The following ITGB6 variants were observed in gnomAD, a reference collection of about 807,000 sequenced individuals.
ITGB6 encodes the protein integrin beta-6.
In ITGB6, 80 loss-of-function variants were observed where a neutral mutation model predicts 84.5. That is an observed-to-expected ratio of 0.95 (90% CI 0.79 to 1.14). The LOEUF (loss-of-function observed/expected upper bound fraction) is 1.14. Ranked by LOEUF, ITGB6 falls within the 50% of genes most tolerant of loss-of-function variation. The pLI is 0.00. For missense variants in ITGB6, 1,006 were observed against 968.0 expected, an observed-to-expected ratio of 1.04 and a Z score of -0.52; for synonymous variants, 383 against 354.9, an observed-to-expected ratio of 1.08 and a Z score of -0.89.
At chr2:160,132,112 A>C (rs73012625) in intron 10 of ITGB6, among the ~76,000 whole-genome samples, 11,262 of 152,182 alleles carry the variant, frequency 0.074, 1,304 homozygotes, top group African/African-American at 0.25. Context: ...TTAGACATGC[A>C]ATATGGGATT....
At chr2:160,127,763 T>A (rs1683295408) in intron 10 of ITGB6, among the ~76,000 whole-genome samples, 1 of 152,248 alleles carries the variant, frequency 6.6e-6, no homozygotes, top group Non-Finnish European at 1.5e-5. Context: ...ATATTTGATG[T>A]GAATGTGTGT....
chr2:160,178,690 T>C (rs199845417), intron 4 of ITGB6, among the ~76,000 whole-genome samples: 98 of 25,926 alleles, frequency 3.8e-3, no homozygotes, highest in Middle Eastern at 0.033. Flanking sequence ...CTCTCTCTCT[T>C]TTTTTTTTTT....
At chr2:160,111,163 CA>C (rs900791565) in intron 13 of ITGB6, among the ~76,000 whole-genome samples, 9 of 151,438 alleles carry the variant, frequency 5.9e-5, no homozygotes, top group African/African-American at 2.2e-4. Flanking sequence ...CAACTAGATA[CA>C]AAAGTCTCTG....
At chr2:160,191,924 A>G (rs370345653) in intron 4 of ITGB6, among the ~76,000 whole-genome samples, 82 of 152,284 alleles carry the variant, frequency 5.4e-4, no homozygotes, top group African/African-American at 1.8e-3. Flanking sequence ...AAAACAAAAC[A>G]TGTGCAAGAT....
At chr2:160,172,413 G>A (rs1452192274) in intron 6 of ITGB6, among the ~76,000 whole-genome samples, 156 bp downstream of exon 6, 2 of 152,204 alleles carry the variant, frequency 1.3e-5, no homozygotes, top group Non-Finnish European at 2.9e-5. Context: ...AACCTCTGAG[G>A]ATGGTGAGAA....
In ITGB6 at chr2:160,199,204, G is replaced by A. The variant is rs755954161; in HGVS notation, c.116C>T (p.Pro39Leu). The change falls in exon 2 of 15, where the codon CCT (proline) becomes CTT (leucine). Residue 39 changes from proline (P) to leucine (L), a missense_variant. Coordinates refer to ENST00000283249, the MANE Select transcript of ITGB6 (RefSeq NM_000888.5). ...CTCCTGAGCACACCAGGCACACTGA[G>A]GTCCAATAAGCAGGCAGTCTTCACA... ...ETCEDCLLIG[P>L]QCAWCAQENF... 1.9e-6 allele frequency: 3 copies of A among 1,614,036 alleles called. No homozygotes were observed. The highest frequency in any genetic ancestry group is 1.1e-5 in the South Asian group (1 of 91,080).
At chr2:160,179,390 C>CTTTTTTT (rs71297445) in intron 4 of ITGB6, among the ~76,000 whole-genome samples, 16 of 131,168 alleles carry the variant, frequency 1.2e-4, no homozygotes, top group Non-Finnish European at 1.5e-4. Flanking sequence ...TTTTCTTTTT[C>CTTTTTTT]TTTTTTTTTT....
chr2:160,157,770 A>T (rs1684680373), intron 7 of ITGB6, among the ~76,000 whole-genome samples: 2 of 146,416 alleles, frequency 1.4e-5, no homozygotes, highest in African/African-American at 2.5e-5. Flanking sequence ...AAAAAAAAAA[A>T]TCCTAGGGGA....
intron 4 of ITGB6, among the ~76,000 whole-genome samples, chr2:160,174,533 C>T (rs948564752): frequency 6.6e-6 from 1 of 151,958 alleles, no homozygotes; most frequent in African/African-American, 2.4e-5. Context: ...GTGTGAATCA[C>T]CCTGTAGCAA....
chr2:160,193,308 A>G (rs1371420315), intron 4 of ITGB6, among the ~76,000 whole-genome samples: 2 of 152,214 alleles, frequency 1.3e-5, no homozygotes, highest in Non-Finnish European at 2.9e-5. Context: ...AAAAGCAGCA[A>G]ACTCCTGATA....
chr2:160,111,737 A>G (rs1053165209), intron 13 of ITGB6, among the ~76,000 whole-genome samples: 1 of 151,348 alleles, frequency 6.6e-6, no homozygotes, highest in African/African-American at 2.4e-5. Flanking sequence ...AGGCCACCAT[A>G]CCCGGCTAAT....
At chr2:160,154,102 G>T (rs867978877) in intron 7 of ITGB6, among the ~76,000 whole-genome samples, 8 of 152,274 alleles carry the variant, frequency 5.3e-5, no homozygotes, top group African/African-American at 1.9e-4. Context: ...CAAAGGATTA[G>T]AAATCATGCT....
intron 12 of ITGB6, among the ~76,000 whole-genome samples, chr2:160,113,906 G>A (rs539225878): frequency 1.1e-4 from 16 of 152,094 alleles, no homozygotes; most frequent in African/African-American, 3.4e-4. Flanking sequence ...GGGACTATGC[G>A]TTTTCTTCTT....
At chr2:160,159,749 C>T (rs1314967145) in intron 7 of ITGB6, among the ~76,000 whole-genome samples, 1 of 152,218 alleles carries the variant, frequency 6.6e-6, no homozygotes, top group East Asian at 1.9e-4. Context: ...ATTATCACTT[C>T]TGGAAAGGCA....
chr2:160,162,569 C>G (rs561693019), intron 7 of ITGB6, among the ~76,000 whole-genome samples: 2 of 152,062 alleles, frequency 1.3e-5, no homozygotes, highest in East Asian at 3.9e-4. Context: ...AATATGGTGG[C>G]AAAATGTTAA....
At chr2:160,143,618 T>C (rs542219281) in intron 7 of ITGB6, among the ~76,000 whole-genome samples, 2 of 152,330 alleles carry the variant, frequency 1.3e-5, no homozygotes, top group African/African-American at 4.8e-5. Context: ...TTATTAAAAT[T>C]GTATGTAGAA....
At chr2:160,126,652 T>C (rs535910985) in intron 10 of ITGB6, 51 bp from the exon 11 acceptor site, 1 of 1,537,536 alleles carries the variant, frequency 6.5e-7, no homozygotes, top group African/African-American at 1.4e-5. Context: ...CACTTGCAGA[T>C]TTGAGGGGGT....
At chr2:160,164,539 T>C (rs1032485770) in intron 7 of ITGB6, among the ~76,000 whole-genome samples, 1 of 151,960 alleles carries the variant, frequency 6.6e-6, no homozygotes, top group Non-Finnish European at 1.5e-5. Context: ...CTACTAAAAA[T>C]ACAAAAATTA....
At chr2:160,117,297 A>C (rs922251095) in intron 12 of ITGB6, among the ~76,000 whole-genome samples, 1 of 152,138 alleles carries the variant, frequency 6.6e-6, no homozygotes, top group African/African-American at 2.4e-5. Context: ...AAAAGAACAG[A>C]AATTATAACA....
Sources: allele counts gnomAD v4.1 joint callset (sites outside exome capture counted in the v4.1 genomes callset), GRCh38; gene constraint gnomAD v4.1.1; transcripts MANE v1.5; gene names NCBI Gene and HGNC (gene_info 2026-07-23, HGNC 2026-07-21).